Variants in SLC39A11 observed in about 807,000 individuals in gnomAD.
SLC39A11 encodes zinc transporter ZIP11.
Under a neutral mutation model 36.1 loss-of-function variants are expected in SLC39A11, and 33 were observed. That is an observed-to-expected ratio of 0.91 (90% CI 0.69 to 1.22). The LOEUF (loss-of-function observed/expected upper bound fraction) is 1.22. Among genes scored for constraint, SLC39A11 ranks in the 50% most tolerant of loss-of-function variants. SLC39A11 has a pLI of 0.00. For synonymous variants in SLC39A11, 166 were observed against 170.3 expected, an observed-to-expected ratio of 0.97 and a Z score of 0.20; for missense variants, 432 against 430.3, an observed-to-expected ratio of 1.00 and a Z score of -0.03.
At chr17:72,776,488 A>G (rs906035955) in intron 6 of SLC39A11, among the ~76,000 whole-genome samples, 1 of 152,064 alleles carries the variant, frequency 6.6e-6, no homozygotes, top group Admixed American at 6.6e-5. Context: ...CTGTATCAAA[A>G]TGTTGAAATA....
intron 6 of SLC39A11, among the ~76,000 whole-genome samples, chr17:72,750,697 T>C (rs977575098): frequency 1.3e-5 from 2 of 151,864 alleles, no homozygotes; most frequent in African/African-American, 4.8e-5. Flanking sequence ...TTTTGCTACA[T>C]GGAGGGCAGG....
chr17:73,007,967 G>A (rs2090276341), intron 4 of SLC39A11, among the ~76,000 whole-genome samples: 1 of 152,092 alleles, frequency 6.6e-6, no homozygotes, highest in Non-Finnish European at 1.5e-5. Context: ...GCGGGGTGTG[G>A]TGGCGTGAGC....
chr17:72,949,909 T>C (rs564098282), intron 4 of SLC39A11, among the ~76,000 whole-genome samples: 2 of 152,006 alleles, frequency 1.3e-5, no homozygotes, highest in Admixed American at 6.6e-5. Context: ...GATAAGTTCC[T>C]TTCATGAAGG....
chr17:73,030,140 G>A lies in SLC39A11; in HGVS notation c.306+1416C>T, dbSNP rs555461015. 5.3e-5 allele frequency among the ~76,000 whole-genome samples: 8 copies of A among 152,328 alleles called. No homozygotes were observed. In the East Asian group the frequency reaches 7.7e-4, roughly 15 times the overall value. On this transcript the variant is annotated intron_variant, in intron 4 of 9. Transcript: ENST00000255559. ...TGCTCCATTGAGAATCTAATGCCAC[G>A]GCTGATCTGACAGGAGGCGGAGCTC... is the stretch of plus-strand genomic sequence containing the variant.
intron 4 of SLC39A11, among the ~76,000 whole-genome samples, chr17:72,971,424 C>A (rs73349321): frequency 0.11 from 17,044 of 152,002 alleles, 1,694 homozygotes; most frequent in African/African-American, 0.27. Flanking sequence ...ACTTCCCCTC[C>A]CACAGGAAAT....
At chr17:72,909,058 T>C (rs773544418) in intron 5 of SLC39A11, among the ~76,000 whole-genome samples, 8 of 152,176 alleles carry the variant, frequency 5.3e-5, no homozygotes, top group Non-Finnish European at 8.8e-5. Context: ...CAGAGAACCG[T>C]TTCCTAAGAG....
intron 3 of SLC39A11, 57 bp from the exon 4 acceptor site, chr17:73,031,771 C>T: frequency 1.3e-6 from 2 of 1,573,866 alleles, no homozygotes; most frequent in Non-Finnish European, 1.7e-6. Context: ...GCTTTCCAGG[C>T]AGGACCTCAG....
At chr17:72,730,243 C>T (rs1484749068) in intron 7 of SLC39A11, among the ~76,000 whole-genome samples, 2 of 152,152 alleles carry the variant, frequency 1.3e-5, no homozygotes, top group Non-Finnish European at 2.9e-5. Context: ...TTAAACAGTT[C>T]GAGGCTTATG....
intron 5 of SLC39A11, among the ~76,000 whole-genome samples, chr17:72,867,780 A>ACACACACACG (rs1567852717): frequency 2.0e-5 from 3 of 150,224 alleles, no homozygotes; most frequent in East Asian, 3.9e-4. Context: ...ACACACACAC[A>ACACACACACG]CACACACACG....
chr17:72,768,272 C>T (rs1318241471), intron 6 of SLC39A11, among the ~76,000 whole-genome samples: 2 of 152,202 alleles, frequency 1.3e-5, no homozygotes, highest in Admixed American at 1.3e-4. Context: ...CCTCACAAGG[C>T]AGTTGAGTTT....
At chr17:72,792,617 T>C (rs2076749671) in intron 6 of SLC39A11, among the ~76,000 whole-genome samples, 1 of 152,140 alleles carries the variant, frequency 6.6e-6, no homozygotes, top group Non-Finnish European at 1.5e-5. Flanking sequence ...TAGTTTTAAA[T>C]CACAGTTCTA....
rs570687251 is a variant in SLC39A11 at position 72,694,672 on chromosome 17, G to C, written c.671+41978C>G. Among the ~76,000 whole-genome samples, 12 of 152,326 alleles carry C rather than the reference G, an allele frequency of 7.9e-5. No homozygotes were observed. The South Asian group carries it at 2.5e-3, about 32-fold the overall frequency. On this transcript the variant is annotated intron_variant, in intron 7 of 9. Coordinates refer to ENST00000255559, the MANE Select transcript of SLC39A11 (RefSeq NM_139177.4). ...ACAAAACTTGAATACGAAGGTGGAG[G>C]AACCTTGTGGGCAGGGTGGGGTGGT...
At chr17:73,054,148 C>T (rs746212302) in intron 3 of SLC39A11, among the ~76,000 whole-genome samples, 1 of 152,170 alleles carries the variant, frequency 6.6e-6, no homozygotes, top group South Asian at 2.1e-4. Flanking sequence ...GTGGACCACA[C>T]AGTCCGGAGT....
chr17:72,827,389 T>C (rs1444732272), intron 6 of SLC39A11, among the ~76,000 whole-genome samples: 1 of 152,170 alleles, frequency 6.6e-6, no homozygotes, highest in Non-Finnish European at 1.5e-5. Context: ...GGGTTTCTTC[T>C]GGGGTAATGA....
chr17:72,819,410 G>A (rs1171236017), intron 6 of SLC39A11, among the ~76,000 whole-genome samples: 1 of 151,342 alleles, frequency 6.6e-6, no homozygotes, highest in Admixed American at 6.6e-5. Flanking sequence ...AACTGTGTGA[G>A]AATCAACTTC....
intron 7 of SLC39A11, among the ~76,000 whole-genome samples, chr17:72,690,528 T>C (rs1308891223): frequency 6.6e-6 from 1 of 152,226 alleles, no homozygotes; most frequent in African/African-American, 2.4e-5. Context: ...GGCAGCATTA[T>C]TCACATCACC....
intron 5 of SLC39A11, among the ~76,000 whole-genome samples, chr17:72,942,512 C>T (rs1048483761): frequency 6.6e-6 from 1 of 152,132 alleles, no homozygotes; most frequent in Non-Finnish European, 1.5e-5. Flanking sequence ...TATAAACACT[C>T]AGAATTTCTC....
intron 6 of SLC39A11, among the ~76,000 whole-genome samples, chr17:72,798,401 C>T (rs2076967721): frequency 6.8e-6 from 1 of 147,030 alleles, no homozygotes; most frequent in Non-Finnish European, 1.5e-5. Flanking sequence ...GCTCTGGTCT[C>T]TTCCACTTCT....
At chr17:72,918,587 A>G (rs2083461336) in intron 5 of SLC39A11, among the ~76,000 whole-genome samples, 1 of 152,232 alleles carries the variant, frequency 6.6e-6, no homozygotes, top group South Asian at 2.1e-4. Context: ...CAGCATCAGA[A>G]GAAGGGTAAA....
Sources: allele counts gnomAD v4.1 joint callset (sites outside exome capture counted in the v4.1 genomes callset), GRCh38; gene constraint gnomAD v4.1.1; transcripts MANE v1.5; gene names NCBI Gene and HGNC (gene_info 2026-07-23, HGNC 2026-07-21).